NFIB: variants seen among roughly 807,000 people sequenced by gnomAD.
NFIB encodes the protein nuclear factor 1 B-type.
A neutral mutation model predicts 61.5 loss-of-function variants in NFIB; 11 were observed. The observed-to-expected ratio is 0.18, with a 90% CI of 0.11 to 0.30. The LOEUF is 0.30. Ranked by LOEUF, NFIB falls within the 10% of genes least tolerant of loss-of-function variation. NFIB has a pLI of 1.00. For missense variants in NFIB, 471 were observed against 608.9 expected, an observed-to-expected ratio of 0.77 and a Z score of 2.38; for synonymous variants, 260 against 216.5, an observed-to-expected ratio of 1.20 and a Z score of -1.76.
At chr9:14,146,485 G>A (rs931940718) in intron 6 of NFIB, among the ~76,000 whole-genome samples, 5 of 151,902 alleles carry the variant, frequency 3.3e-5, no homozygotes, top group Non-Finnish European at 2.9e-5. Context: ...AAACTCCAAC[G>A]AAACATGTAA....
intron 2 of NFIB, among the ~76,000 whole-genome samples, chr9:14,222,806 A>AAAAAAG (rs1253170447): frequency 2.7e-5 from 4 of 150,520 alleles, no homozygotes; most frequent in South Asian, 2.1e-4. Flanking sequence ...AAAAAAAAAA[A>AAAAAAG]AAAGAAAGAA....
chr9:14,396,146 A>T (rs556206745), intron 1 of NFIB, among the ~76,000 whole-genome samples: 10 of 152,112 alleles, frequency 6.6e-5, no homozygotes, highest in East Asian at 1.9e-4. Context: ...CTTTTAATGT[A>T]TTTGATAATT....
intron 2 of NFIB, among the ~76,000 whole-genome samples, chr9:14,287,123 G>T (rs2058756843): frequency 6.6e-6 from 1 of 151,966 alleles, no homozygotes; most frequent in Non-Finnish European, 1.5e-5. Flanking sequence ...TTAAAAGATT[G>T]AAAGCTACTT....
chr9:14,185,567 G>A (rs111494930), intron 2 of NFIB, among the ~76,000 whole-genome samples: 2 of 152,036 alleles, frequency 1.3e-5, no homozygotes, highest in South Asian at 2.1e-4. Context: ...AATATGACAC[G>A]AAGTCTATTA....
chr9:14,280,208 CT>C (rs1168453717), intron 2 of NFIB, among the ~76,000 whole-genome samples: 2 of 152,176 alleles, frequency 1.3e-5, no homozygotes, highest in African/African-American at 4.8e-5. Flanking sequence ...AACAAAATGC[CT>C]GTGTCCAAAG....
intron 2 of NFIB, among the ~76,000 whole-genome samples, chr9:14,202,778 T>G (rs545764121): frequency 1.6e-4 from 25 of 152,304 alleles, no homozygotes; most frequent in Non-Finnish European, 8.8e-5. Context: ...GATGTCATAT[T>G]TCTTATGAAA....
intron 2 of NFIB, among the ~76,000 whole-genome samples, chr9:14,259,206 G>A (rs1404931347): frequency 6.6e-6 from 1 of 152,094 alleles, no homozygotes; most frequent in Non-Finnish European, 1.5e-5. Flanking sequence ...AAATAAAAGA[G>A]CACTGAAAAA....
the NFIB span, among the ~76,000 whole-genome samples, chr9:14,475,947 G>A: frequency 1.3e-5 from 2 of 152,126 alleles, no homozygotes; most frequent in South Asian, 4.1e-4. Flanking sequence ...CTAACTCCCT[G>A]AGTTCCAAAG....
the NFIB span, among the ~76,000 whole-genome samples, chr9:14,407,456 G>C: frequency 2.6e-5 from 4 of 152,126 alleles, no homozygotes; most frequent in Admixed American, 2.6e-4. Context: ...ACCGAACTGG[G>C]CATAGGTCTG....
At chr9:14,451,935 A>G in the NFIB span, among the ~76,000 whole-genome samples, 2 of 151,992 alleles carry the variant, frequency 1.3e-5, no homozygotes, top group African/African-American at 2.4e-5. Context: ...TCTGGACCAC[A>G]TAATATCTTT....
At chr9:14,187,005 C>CTGTGTGTGTGTG (rs762584581) in intron 2 of NFIB, among the ~76,000 whole-genome samples, 6 of 64,148 alleles carry the variant, frequency 9.4e-5, no homozygotes, top group African/African-American at 2.0e-4. Flanking sequence ...TTCTTCGCTC[C>CTGTGTGTGTGTG]TGTGTGTGTG....
At chr9:14,513,299 T>C in the NFIB span, among the ~76,000 whole-genome samples, 8 of 152,242 alleles carry the variant, frequency 5.3e-5, no homozygotes, top group African/African-American at 1.9e-4. Flanking sequence ...CATCTTCCTG[T>C]GTAAAGGTTT....
chr9:14,408,440 T>A, the NFIB span, among the ~76,000 whole-genome samples: 3 of 152,080 alleles, frequency 2.0e-5, no homozygotes, highest in Non-Finnish European at 4.4e-5. Context: ...CATGGTACCA[T>A]ATGGTGAGTA....
intron 2 of NFIB, among the ~76,000 whole-genome samples, chr9:14,282,188 A>G (rs981020824): frequency 1.3e-5 from 2 of 152,196 alleles, no homozygotes; most frequent in Admixed American, 6.5e-5. Flanking sequence ...CCTTACACTG[A>G]TAACATTTTT....
intron 1 of NFIB, among the ~76,000 whole-genome samples, chr9:14,338,383 G>C (rs1469870924): frequency 8.4e-6 from 1 of 119,172 alleles, no homozygotes; most frequent in Non-Finnish European, 1.8e-5. Flanking sequence ...GACAGAGCGA[G>C]ACTCTGTCTC....
chr9:14,400,584 TAAAC>T (rs2061733121), upstream of NFIB, among the ~76,000 whole-genome samples: 1 of 151,874 alleles, frequency 6.6e-6, no homozygotes, highest in Non-Finnish European at 1.5e-5. Context: ...CACAAGAAAA[TAAAC>T]CAACCAAAAT....
the NFIB span, among the ~76,000 whole-genome samples, chr9:14,449,445 A>AT: frequency 6.6e-6 from 1 of 152,234 alleles, no homozygotes; most frequent in Non-Finnish European, 1.5e-5. Context: ...AAAGTTGAGG[A>AT]TCACTGGCAT....
intron 1 of NFIB, among the ~76,000 whole-genome samples, chr9:14,386,773 A>T (rs1348548156): frequency 6.6e-6 from 1 of 152,196 alleles, no homozygotes; most frequent in African/African-American, 2.4e-5. Context: ...ACAGCCTTGG[A>T]GACTGGAGGG....
intron 1 of NFIB, among the ~76,000 whole-genome samples, chr9:14,395,673 C>G: frequency 6.6e-6 from 1 of 151,222 alleles, no homozygotes; most frequent in African/African-American, 2.4e-5. Flanking sequence ...CTAATTTTAC[C>G]TCGTAAAAAA....
Sources: allele counts gnomAD v4.1 joint callset (sites outside exome capture counted in the v4.1 genomes callset), GRCh38; gene constraint gnomAD v4.1.1; transcripts MANE v1.5; gene names NCBI Gene and HGNC (gene_info 2026-07-23, HGNC 2026-07-21).